Variants in PARD3B observed in about 807,000 individuals in gnomAD.
The protein encoded by PARD3B is partitioning defective 3 homolog B.
In PARD3B, 103 loss-of-function variants were observed where a neutral mutation model predicts 130.2. The observed-to-expected ratio is 0.79, with a 90% confidence interval of 0.67 to 0.93. PARD3B has a LOEUF of 0.93. Ranked by LOEUF, PARD3B falls within the 40% of genes least tolerant of loss-of-function variation. The pLI is 0.00. For synonymous variants in PARD3B, 583 were observed against 553.2 expected, an observed-to-expected ratio of 1.05 and a Z score of -0.76; for missense variants, 1,609 against 1,499.2, an observed-to-expected ratio of 1.07 and a Z score of -1.21.
At chr2:205,386,323 C>G (rs1157335322) in intron 18 of PARD3B, among the ~76,000 whole-genome samples, 2 of 151,350 alleles carry the variant, frequency 1.3e-5, no homozygotes, top group Non-Finnish European at 2.9e-5. Context: ...TGGAAAAGAT[C>G]CAAGTTAACT....
intron 2 of PARD3B, among the ~76,000 whole-genome samples, chr2:204,802,668 A>G (rs535417716): frequency 1.3e-5 from 2 of 152,338 alleles, no homozygotes; most frequent in African/African-American, 4.8e-5. Context: ...GCTGTAAAAA[A>G]GGATGAGTTC....
At chr2:204,718,487 T>C (rs756288487) in intron 2 of PARD3B, among the ~76,000 whole-genome samples, 2 of 152,092 alleles carry the variant, frequency 1.3e-5, no homozygotes, top group Non-Finnish European at 2.9e-5. Context: ...TTGTGAGAAC[T>C]CATTATCGTG....
intron 19 of PARD3B, among the ~76,000 whole-genome samples, chr2:205,428,140 T>C (rs2047208333): frequency 6.6e-6 from 1 of 152,066 alleles, no homozygotes; most frequent in Admixed American, 6.6e-5. Context: ...CCCAGCACTT[T>C]GGGAGGCCAA....
At chr2:204,585,392 G>A (rs559812666) in intron 1 of PARD3B, among the ~76,000 whole-genome samples, 1 of 152,070 alleles carries the variant, frequency 6.6e-6, no homozygotes, top group Admixed American at 6.6e-5. Context: ...GAGTGCAGTG[G>A]TGCAATCATA....
chr2:204,580,313 T>C (rs1035050828), intron 1 of PARD3B, among the ~76,000 whole-genome samples: 1 of 152,186 alleles, frequency 6.6e-6, no homozygotes, highest in African/African-American at 2.4e-5. Flanking sequence ...TCCATGTTTT[T>C]TTTCCCTCTT....
At chr2:204,833,415 GT>G (rs781653044) in intron 2 of PARD3B, among the ~76,000 whole-genome samples, 22 of 152,050 alleles carry the variant, frequency 1.4e-4, no homozygotes, top group Non-Finnish European at 2.5e-4. Flanking sequence ...ATTGGTGGTG[GT>G]TTAATTTAAC....
Position 205,253,190 on chromosome 2 carries a change from C to T in PARD3B, c.2185+7368C>T, listed in dbSNP as rs1188540540. 2.5e-6 allele frequency: 1 copy of T among 392,858 alleles called. No homozygotes were observed. The highest frequency in any genetic ancestry group is 2.1e-5 in the African/African-American group (1 of 48,128). The allele number at this position is 392,858 out of a possible 1,614,324, so 24.3% of individuals were successfully genotyped here. ...AACTTACAGGTTAGGACCAGCTTTT[C>T]TGCAGGTGTTGACCAGCAATTTCCT... On this transcript the variant is annotated intron_variant, in intron 16 of 22. Transcript: ENST00000406610. The surrounding 1 kb of genome is among the most constrained non-coding windows in gnomAD (Gnocchi z 4.4).
chr2:205,381,208 T>C (rs1456271662), intron 18 of PARD3B, among the ~76,000 whole-genome samples: 3 of 122,386 alleles, frequency 2.5e-5, no homozygotes, highest in African/African-American at 1.0e-4. Context: ...ATATAATATA[T>C]AAAGAATATA....
rs1356831889 is a variant in PARD3B at position 205,460,532 on chromosome 2, A to G, written c.3044+19860A>G. ...TCTCTTGAGCAACATTTAACTTTCT[A>G]TTGATTACTTCTCTTGAGGTTATCA... is the stretch of plus-strand genomic sequence containing the variant. On this transcript the variant is annotated intron_variant, in intron 20 of 22. Transcript: ENST00000406610. The surrounding 1 kb of genome is among the most constrained non-coding windows in gnomAD (Gnocchi z 4.9). Among the ~76,000 whole-genome samples the G allele has an allele frequency of 6.6e-6, 1 of 152,084 alleles. No homozygotes were observed. Among genetic ancestry groups the G allele is most frequent in the Non-Finnish European group, 1.5e-5 (1 of 68,014 alleles).
chr2:204,864,128 G>A (rs1035996515), intron 2 of PARD3B, among the ~76,000 whole-genome samples: 2 of 151,958 alleles, frequency 1.3e-5, no homozygotes, highest in African/African-American at 4.8e-5. Flanking sequence ...CCTTTTCTGT[G>A]TCTTAAAGTC....
chr2:205,543,410 A>G (rs551484651), intron 21 of PARD3B, among the ~76,000 whole-genome samples: 2 of 152,360 alleles, frequency 1.3e-5, no homozygotes, highest in East Asian at 3.9e-4. Context: ...TAAGAAGACC[A>G]CAAACCACTG....
At chr2:204,914,804 T>C (rs1251648247) in intron 2 of PARD3B, among the ~76,000 whole-genome samples, 1 of 151,968 alleles carries the variant, frequency 6.6e-6, no homozygotes. Context: ...GACTGTGGAG[T>C]GGCCCACGCG....
chr2:205,545,495 T>G (rs2052342627), intron 21 of PARD3B, among the ~76,000 whole-genome samples: 1 of 152,318 alleles, frequency 6.6e-6, no homozygotes, highest in East Asian at 1.9e-4. Context: ...ATTTTTATAC[T>G]TTGCATCTTA....
chr2:204,796,603 A>G (rs547433658), intron 2 of PARD3B, among the ~76,000 whole-genome samples: 2 of 152,322 alleles, frequency 1.3e-5, no homozygotes, highest in African/African-American at 4.8e-5. Context: ...CATTGCCAAA[A>G]TTCAGACATG....
At chr2:204,752,864 C>T (rs937438225) in intron 2 of PARD3B, among the ~76,000 whole-genome samples, 6 of 152,086 alleles carry the variant, frequency 3.9e-5, no homozygotes, top group African/African-American at 9.7e-5. Flanking sequence ...TTGGAAAAGC[C>T]GTCAATCCTG....
chr2:205,114,201 A>G (rs139125013), intron 6 of PARD3B, among the ~76,000 whole-genome samples: 26 of 152,266 alleles, frequency 1.7e-4, no homozygotes, highest in Middle Eastern at 3.4e-3. Context: ...TCGTATCAAC[A>G]CTTCTTGAAA....
intron 2 of PARD3B, among the ~76,000 whole-genome samples, chr2:204,913,943 G>A (rs1160783509): frequency 1.3e-5 from 2 of 152,214 alleles, no homozygotes; most frequent in African/African-American, 4.8e-5. Context: ...GGCACTACTG[G>A]AAAGTTTGGA....
At chr2:205,226,534 T>A (rs917389993) in intron 15 of PARD3B, among the ~76,000 whole-genome samples, 34 of 152,322 alleles carry the variant, frequency 2.2e-4, no homozygotes, top group East Asian at 5.8e-4. Flanking sequence ...GATTTTTTTT[T>A]ATATGGTGAG....
At chr2:205,189,465 C>T (rs1176977508) in intron 14 of PARD3B, among the ~76,000 whole-genome samples, 4 of 152,152 alleles carry the variant, frequency 2.6e-5, no homozygotes, top group African/African-American at 7.2e-5. Flanking sequence ...ATTCTCTGGT[C>T]GTTCATGCTG....
Sources: allele counts gnomAD v4.1 joint callset (sites outside exome capture counted in the v4.1 genomes callset), GRCh38; gene constraint gnomAD v4.1.1; non-coding constraint Gnocchi (gnomAD v3.1); transcripts MANE v1.5; gene names NCBI Gene and HGNC (gene_info 2026-07-23, HGNC 2026-07-21).